ERG: variants seen among roughly 807,000 people sequenced by gnomAD.
The protein encoded by ERG is ETS transcription factor ERG, also known as transcriptional regulator ERG.
A neutral mutation model predicts 55.3 loss-of-function variants in ERG; 9 were observed. The ratio of observed to expected loss-of-function variants is 0.16; its 90% CI spans 0.10 to 0.28. ERG has a LOEUF of 0.28. ERG is among the 10% of genes least tolerant of loss of function. The probability of loss-of-function intolerance (pLI) is 1.00; values close to 1 mark genes in which losing one functional copy is unlikely to be tolerated. For synonymous variants in ERG, 223 were observed against 237.3 expected (o/e 0.94, Z 0.55); for missense variants, 434 against 631.6 (o/e 0.69, Z 3.35).
chr21:38,413,759 T>C (rs1989160177), intron 3 of ERG, among the ~76,000 whole-genome samples: 2 of 151,904 alleles, frequency 1.3e-5, no homozygotes, highest in Non-Finnish European at 2.9e-5. Flanking sequence ...CATGACAACA[T>C]TGTGTGTGCT....
the ERG span, among the ~76,000 whole-genome samples, chr21:38,373,316 T>A: frequency 6.6e-6 from 1 of 152,254 alleles, no homozygotes; most frequent in South Asian, 2.1e-4. Context: ...TCCTTTTACA[T>A]TTTGTTTTCA....
At chr21:38,431,844 C>A (rs1353670083) in intron 2 of ERG, among the ~76,000 whole-genome samples, 1 of 152,206 alleles carries the variant, frequency 6.6e-6, no homozygotes, top group Admixed American at 6.5e-5. Flanking sequence ...CCGCACCGTG[C>A]CAGGCGTAGC....
At chr21:38,515,617 A>G (rs1344256668) in intron 2 of ERG, among the ~76,000 whole-genome samples, 1 of 152,008 alleles carries the variant, frequency 6.6e-6, no homozygotes, top group African/African-American at 2.4e-5. Context: ...AGAACACAAC[A>G]AAAAAGAAAA....
intron 1 of ERG, among the ~76,000 whole-genome samples, chr21:38,459,657 G>T (rs1041135536): frequency 3.3e-5 from 5 of 152,182 alleles, no homozygotes; most frequent in African/African-American, 1.2e-4. Context: ...AGAGGATTTA[G>T]AAGTTTGCCT....
At chr21:38,653,108 G>C (rs73446333) in intron 1 of ERG, among the ~76,000 whole-genome samples, 13,068 of 152,166 alleles carry the variant, frequency 0.086, 1,372 homozygotes, top group African/African-American at 0.25. Flanking sequence ...TCTGTGGTGT[G>C]AATGTCTGCC....
At chr21:38,609,942 A>G (rs1252515995) in intron 1 of ERG, among the ~76,000 whole-genome samples, 2 of 152,192 alleles carry the variant, frequency 1.3e-5, no homozygotes, top group East Asian at 3.8e-4. Context: ...TTATGACTGG[A>G]CTTTTGTATA....
At chr21:38,580,690 T>C (rs183178869) in intron 1 of ERG, among the ~76,000 whole-genome samples, 8 of 152,070 alleles carry the variant, frequency 5.3e-5, no homozygotes, top group Admixed American at 4.6e-4. Context: ...TTCTTTGTTT[T>C]TGTTTTCAAA....
At chr21:38,493,527 T>C (rs1243454587) in intron 1 of ERG, among the ~76,000 whole-genome samples, 1 of 152,248 alleles carries the variant, frequency 6.6e-6, no homozygotes, top group African/African-American at 2.4e-5. Context: ...TAAGAATTTT[T>C]TATGTTTATA....
intron 1 of ERG, among the ~76,000 whole-genome samples, chr21:38,598,856 C>A (rs959640462): frequency 6.6e-6 from 1 of 152,196 alleles, no homozygotes; most frequent in African/African-American, 2.4e-5. Context: ...GCACAATTAG[C>A]TCTTGTGCAC....
At chr21:38,578,665 C>A (rs975911782) in intron 1 of ERG, among the ~76,000 whole-genome samples, 1 of 152,092 alleles carries the variant, frequency 6.6e-6, no homozygotes. Flanking sequence ...AATCACCCCA[C>A]CAAGACTACG....
intron 1 of ERG, among the ~76,000 whole-genome samples, chr21:38,487,491 G>A (rs950764563): frequency 4.2e-4 from 64 of 152,302 alleles, no homozygotes; most frequent in South Asian, 1.2e-3. Context: ...AGCCAGGCAA[G>A]GGAGATTTTC....
At chr21:38,589,247 G>A (rs947919337), upstream of ERG, among the ~76,000 whole-genome samples, 14 of 152,208 alleles carry the variant, frequency 9.2e-5, 1 homozygote, top group Admixed American at 5.2e-4. Context: ...AGCAGCCTGG[G>A]GAGAAGGCTC....
chr21:38,429,836 T>C (rs1205440423), intron 2 of ERG, among the ~76,000 whole-genome samples: 1 of 152,136 alleles, frequency 6.6e-6, no homozygotes, highest in African/African-American at 2.4e-5. Flanking sequence ...TTGCGAATTG[T>C]GCTGCTATAA....
At chr21:38,556,951 G>C (rs1226962610) in intron 2 of ERG, among the ~76,000 whole-genome samples, 1 of 152,198 alleles carries the variant, frequency 6.6e-6, no homozygotes, top group Non-Finnish European at 1.5e-5. Flanking sequence ...ACCCTCAGCA[G>C]AGCCTAACCC....
At chr21:38,371,603 C>G in the ERG span, among the ~76,000 whole-genome samples, 1 of 151,938 alleles carries the variant, frequency 6.6e-6, no homozygotes, top group Non-Finnish European at 1.5e-5. Context: ...ATTTTACTTT[C>G]TATATGTATT....
At chr21:38,496,949 C>CA (rs1239142636) in intron 1 of ERG, among the ~76,000 whole-genome samples, 3 of 151,958 alleles carry the variant, frequency 2.0e-5, no homozygotes, top group South Asian at 4.1e-4. Context: ...AAAATAAGAA[C>CA]AAAAAAATAA....
At chr21:38,408,669 T>C (rs923721951) in intron 3 of ERG, among the ~76,000 whole-genome samples, 2 of 152,188 alleles carry the variant, frequency 1.3e-5, no homozygotes, top group African/African-American at 4.8e-5. Flanking sequence ...CAGTAGTCTC[T>C]CTAGTCTCCT....
intron 2 of ERG, among the ~76,000 whole-genome samples, chr21:38,522,341 T>G (rs906609634): frequency 1.3e-5 from 2 of 152,188 alleles, no homozygotes; most frequent in Non-Finnish European, 1.5e-5. Flanking sequence ...TTCCTTTTTC[T>G]TATCATATCT....
the ERG span, among the ~76,000 whole-genome samples, chr21:38,368,079 T>C: frequency 6.6e-6 from 1 of 152,150 alleles, no homozygotes; most frequent in African/African-American, 2.4e-5. Context: ...GAAATGAACA[T>C]GTATAACCAA....
Sources: allele counts gnomAD v4.1 joint callset (sites outside exome capture counted in the v4.1 genomes callset), GRCh38; gene constraint gnomAD v4.1.1; transcripts MANE v1.5; gene names NCBI Gene and HGNC (gene_info 2026-07-23, HGNC 2026-07-21).